The following PLCH1 variants were observed in gnomAD, a reference collection of about 807,000 sequenced individuals.
PLCH1 encodes the protein phospholipase C eta 1.
A neutral mutation model predicts 126.7 loss-of-function variants in PLCH1; 60 were observed. The observed-to-expected ratio is 0.47, with a 90% CI of 0.38 to 0.59. The LOEUF (loss-of-function observed/expected upper bound fraction) is 0.59, where lower values mean the gene tolerates loss of function less well. Among genes scored for constraint, PLCH1 ranks in the 20% least tolerant of loss-of-function variants. The pLI is 0.00. For synonymous variants in PLCH1, 719 were observed against 734.9 expected (o/e 0.98, Z 0.35); for missense variants, 1,723 against 2,040.0 (o/e 0.84, Z 2.99).
At chr3:155,615,174 T>G (rs1258214907) in intron 2 of PLCH1, among the ~76,000 whole-genome samples, 4 of 152,048 alleles carry the variant, frequency 2.6e-5, no homozygotes. Context: ...ACAACAAACA[T>G]ATGAAAAAGT....
chr3:155,575,704 T>C (rs2108561551), intron 6 of PLCH1, among the ~76,000 whole-genome samples: 1 of 152,320 alleles, frequency 6.6e-6, no homozygotes, highest in African/African-American at 2.4e-5. Flanking sequence ...AGAGTCTTGC[T>C]CTGTGGCCCA....
intron 21 of PLCH1, among the ~76,000 whole-genome samples, chr3:155,469,735 G>T (rs1381851501): frequency 2.6e-5 from 4 of 151,442 alleles, no homozygotes; most frequent in Admixed American, 6.6e-5. Flanking sequence ...ATCTGAGAAC[G>T]GGCAGACTGC....
At chr3:155,459,552 C>A (rs969987762) in intron 21 of PLCH1, among the ~76,000 whole-genome samples, 9 of 152,000 alleles carry the variant, frequency 5.9e-5, no homozygotes, top group Non-Finnish European at 1.3e-4. Flanking sequence ...AATGTTGGAA[C>A]CTCTTTGGCA....
In PLCH1 at chr3:155,565,112, G is replaced by A. The variant is rs201056626; in HGVS notation, c.872C>T (p.Thr291Met). The A allele has an allele frequency of 9.9e-6, 16 of 1,611,750 alleles. No individual in the cohort carries two copies. The highest frequency in any genetic ancestry group is 9.4e-5 in the African/African-American group (7 of 74,856). ...VKNVLGIEGF[T>M]NFMRSPACDI... is the part of the protein sequence containing the mutation. ...ACAGGCAGGACTACGCATGAAGTTCGTGAAGCCTTTGGAAGAAAGAGAGTG... is the reference window on the plus strand; with the variant it reads ...ACAGGCAGGACTACGCATGAAGTTCATGAAGCCTTTGGAAGAAAGAGAGTG... Residue 291 changes from threonine to methionine, a missense_variant, in exon 8 of 23, where the codon ACG becomes ATG. Around this residue, in one of 2 missense-constraint regions of PLCH1, gnomAD observed 776 missense variants for 1,062.9 expected, o/e 0.73. Transcript: ENST00000460012.
rs567194717 is a variant in PLCH1, at chr3:155,557,766, A to C, written c.1070-3570T>G. On this transcript the variant is annotated intron_variant, in intron 8 of 22. Transcript: ENST00000460012. ...ACTATGGAACCCCAAAAGCAAAGCA[A>C]CTCCAACAAAGATTTAGCCATTCTG... Among the ~76,000 whole-genome samples the C allele has an allele frequency of 1.9e-4, 29 of 152,258 alleles. No individual in the cohort carries two copies. The South Asian group carries it at 5.8e-3, about 30-fold the overall frequency.
chr3:155,470,296 C>T (rs1390981566), intron 21 of PLCH1, among the ~76,000 whole-genome samples: 5 of 151,934 alleles, frequency 3.3e-5, no homozygotes, highest in South Asian at 2.1e-4. Context: ...CCTTAGGAGC[C>T]GATGCGATCA....
chr3:155,730,329 G>T (rs1056669310), intron 1 of PLCH1, among the ~76,000 whole-genome samples: 2 of 151,694 alleles, frequency 1.3e-5, no homozygotes, highest in Non-Finnish European at 2.9e-5. Flanking sequence ...TCACCCAGGC[G>T]GGAGTGCAGT....
At chr3:155,743,741 A>G (rs1749788841) in intron 1 of PLCH1, 1 of 336,204 alleles carries the variant, frequency 3.0e-6, no homozygotes, top group African/African-American at 2.3e-5. Context: ...TCTCCTTGTC[A>G]TAAACATGCC....
At chr3:155,696,817 C>A (rs1285035335) in intron 2 of PLCH1, among the ~76,000 whole-genome samples, 1 of 152,182 alleles carries the variant, frequency 6.6e-6, no homozygotes, top group Non-Finnish European at 1.5e-5. Flanking sequence ...TTCTGCCTGG[C>A]TGGACTCTCA....
chr3:155,666,348 T>C (rs1025644188), intron 2 of PLCH1, among the ~76,000 whole-genome samples: 1 of 152,204 alleles, frequency 6.6e-6, no homozygotes, highest in Non-Finnish European at 1.5e-5. Flanking sequence ...AAAACATATA[T>C]ATCTATCTCA....
chr3:155,619,374 G>C (rs948836099), intron 2 of PLCH1, among the ~76,000 whole-genome samples: 1 of 151,838 alleles, frequency 6.6e-6, no homozygotes, highest in South Asian at 2.1e-4. Flanking sequence ...ATTGTAAAAG[G>C]GAGTGCCTAT....
chr3:155,613,019 C>A (rs925200984), intron 2 of PLCH1, among the ~76,000 whole-genome samples: 1 of 150,598 alleles, frequency 6.6e-6, no homozygotes, highest in African/African-American at 2.5e-5. Flanking sequence ...TTCCCATGAA[C>A]AACTTAACAC....
At chr3:155,583,008 T>C (rs980687843) in intron 6 of PLCH1, among the ~76,000 whole-genome samples, 1 of 151,596 alleles carries the variant, frequency 6.6e-6, no homozygotes, top group African/African-American at 2.4e-5. Flanking sequence ...CCTACCACAA[T>C]AGTAGTTAAG....
At chr3:155,458,503 AGAAGAGAGAG>A (rs1712572260) in intron 21 of PLCH1, among the ~76,000 whole-genome samples, 2 of 118,468 alleles carry the variant, frequency 1.7e-5, no homozygotes, top group African/African-American at 1.0e-4. Flanking sequence ...AGAAAGAGAA[AGAAGAGAGAG>A]AAATAAGAAA....
chr3:155,500,351 C>G (rs1717712028), intron 14 of PLCH1, among the ~76,000 whole-genome samples: 1 of 152,168 alleles, frequency 6.6e-6, no homozygotes, highest in Non-Finnish European at 1.5e-5. Flanking sequence ...AATTTGAAAT[C>G]TGGCTGATTT....
At position 155,488,741 on chromosome 3, in the gene PLCH1, G is replaced by A. The variant is rs1403429876; in HGVS notation, c.2458C>T (p.Arg820Trp). Residue 820 changes from arginine (R) to tryptophan (W), a missense_variant, in exon 20 of 23, where the codon CGG (arginine) becomes TGG (tryptophan). This residue lies in a region of PLCH1 where 776 missense variants were observed against 1,062.9 expected (regional missense o/e 0.73). Coordinates refer to ENST00000460012, the MANE Select transcript of PLCH1 (RefSeq NM_014996.4). ...TVHMPEIALV[R>W]FLVWDHDPIG... is the part of the protein sequence containing the mutation. ...GGATCGTGATCCCACACAAGGAACCGAACCAAAGCTATTTCTGGCATGTGT... is the reference window on the plus strand; with the variant it reads ...GGATCGTGATCCCACACAAGGAACCAAACCAAAGCTATTTCTGGCATGTGT... The A allele has an allele frequency of 3.1e-6, 5 of 1,613,730 alleles. No individual in the cohort carries two copies. The highest frequency in any genetic ancestry group is 1.6e-4 in the Middle Eastern group (1 of 6,084).
intron 8 of PLCH1, among the ~76,000 whole-genome samples, chr3:155,563,011 A>G (rs905433534): frequency 6.6e-6 from 1 of 152,180 alleles, no homozygotes; most frequent in African/African-American, 2.4e-5. Context: ...TAAATTGGAT[A>G]CTTAGTTTTA....
intron 2 of PLCH1, among the ~76,000 whole-genome samples, chr3:155,660,712 C>T (rs993518905): frequency 2.6e-5 from 4 of 152,266 alleles, no homozygotes; most frequent in African/African-American, 9.6e-5. Context: ...TAGAGTTTTG[C>T]CTCATCTTCT....
intron 2 of PLCH1, among the ~76,000 whole-genome samples, chr3:155,666,455 T>C (rs904986248): frequency 1.3e-5 from 2 of 152,242 alleles, no homozygotes; most frequent in African/African-American, 4.8e-5. Context: ...CCTAAACATA[T>C]ATTTATTATC....
Sources: gnomAD v4.1 joint callset for allele counts (sites outside exome capture counted in the v4.1 genomes callset) on GRCh38, gnomAD v4.1.1 for gene constraint, gnomAD v4.1.1 regional missense constraint, MANE v1.5 for transcripts, NCBI Gene and HGNC (gene_info 2026-07-23, HGNC 2026-07-21) for gene names.